The following RFX4 variants were observed in gnomAD, a reference collection of about 807,000 sequenced individuals.
RFX4 encodes the protein transcription factor RFX4.
Under a neutral mutation model 95.0 loss-of-function variants are expected in RFX4, and 10 were observed. The ratio of observed to expected loss-of-function variants is 0.11; its 90% CI spans 0.06 to 0.18. RFX4 has a LOEUF of 0.18. Among genes scored for constraint, RFX4 ranks in the 10% least tolerant of loss-of-function variants. The pLI is 1.00. For missense variants in RFX4, 640 were observed against 922.0 expected (o/e 0.69, Z 3.96); for synonymous variants, 321 against 340.7 (o/e 0.94, Z 0.64).
At chr12:106,596,993 T>C (rs917705766) in intron 1 of RFX4, among the ~76,000 whole-genome samples, 7 of 152,242 alleles carry the variant, frequency 4.6e-5, no homozygotes, top group Non-Finnish European at 1.0e-4. Flanking sequence ...ATTACAAACT[T>C]GTTTGTACCT....
chr12:106,724,240 T>G (rs2042449071), intron 13 of RFX4, among the ~76,000 whole-genome samples: 1 of 152,208 alleles, frequency 6.6e-6, no homozygotes, highest in Non-Finnish European at 1.5e-5. Flanking sequence ...AATTCTTGCA[T>G]TAACTCTGCA....
chr12:106,755,018 T>G (rs2043083615), intron 17 of RFX4, among the ~76,000 whole-genome samples: 1 of 152,242 alleles, frequency 6.6e-6, no homozygotes, highest in African/African-American at 2.4e-5. Context: ...CTTTGTTTTG[T>G]TTTTCATTAA....
chr12:106,681,947 T>C, intron 4 of RFX4, 46 bp from the exon 5 acceptor site: 6 of 1,603,064 alleles, frequency 3.7e-6, no homozygotes, highest in Middle Eastern at 1.7e-4. Flanking sequence ...GTCACTATGC[T>C]CCCAACTCTT....
intron 7 of RFX4, chr12:106,693,263 C>G (rs2137440316): frequency 4.6e-6 from 1 of 215,058 alleles, no homozygotes; most frequent in African/African-American, 2.3e-5. Context: ...GATGTTAAAA[C>G]TGGAGAATAC....
In RFX4 at chr12:106,665,006, T is replaced by C. The variant is rs182634990; in HGVS notation, c.315+10655T>C. On this transcript the variant is annotated intron_variant, in intron 4 of 17. Transcript: ENST00000392842. ...TGCTATTTTTGGATGAAGTTGTCTA[T>C]TAATGTCAATTATATTTAATTGATT... Among the ~76,000 whole-genome samples the C allele has an allele frequency of 5.9e-5, 9 of 152,042 alleles. No individual in the cohort carries two copies. The East Asian group carries it at 1.7e-3, about 29-fold the overall frequency.
At chr12:106,635,538 C>G (rs2040494432) in intron 2 of RFX4, among the ~76,000 whole-genome samples, 2 of 152,084 alleles carry the variant, frequency 1.3e-5, no homozygotes, top group Admixed American at 6.5e-5. Context: ...GTCTCAAACT[C>G]CTGGCCTCAA....
At position 106,669,839 on chromosome 12, in the gene RFX4, GGTGTGTGTGT is replaced by G. The variant is rs60975691; in HGVS notation, c.316-12123_316-12114del. On this transcript the variant is annotated intron_variant, in intron 4 of 17. Coordinates refer to ENST00000392842, the MANE Select transcript of RFX4 (RefSeq NM_213594.3). ...GATTTCACACCAGGTTTTTTCTAGG[GGTGTGTGTGT>G]GTGTGTGTGTGTGTGTGTGTGTGTG... Among the ~76,000 whole-genome samples, 706 of 143,254 alleles carry G rather than the reference GGTGTGTGTGT, an allele frequency of 4.9e-3. 20 individuals carry two copies. The highest frequency in any genetic ancestry group is 0.04 in the Admixed American group (579 of 14,418). The allele number at this position is 143,254 out of a possible 152,430, so 94.0% of individuals were successfully genotyped here. A position where few individuals can be genotyped will look rare whatever the true frequency, so the allele number is the denominator to read the frequency against.
chr12:106,704,128 A>G (rs1228755076), intron 8 of RFX4, among the ~76,000 whole-genome samples: 1 of 151,914 alleles, frequency 6.6e-6, no homozygotes, highest in Non-Finnish European at 1.5e-5. Context: ...CTGCAAATAA[A>G]TGAAATAGTC....
intron 1 of RFX4, among the ~76,000 whole-genome samples, chr12:106,594,610 A>G (rs1180076123): frequency 6.6e-6 from 1 of 152,098 alleles, no homozygotes; most frequent in Non-Finnish European, 1.5e-5. Flanking sequence ...TGGGAGTGGG[A>G]GCGCCGTCAG....
intron 4 of RFX4, among the ~76,000 whole-genome samples, chr12:106,657,489 A>C (rs745640751): frequency 1.8e-4 from 28 of 152,288 alleles, no homozygotes; most frequent in Non-Finnish European, 2.9e-4. Flanking sequence ...GCCAAGCCCC[A>C]AAAACACCGG....
intron 2 of RFX4, among the ~76,000 whole-genome samples, chr12:106,623,953 C>G (rs2040238889): frequency 6.6e-6 from 1 of 152,258 alleles, no homozygotes; most frequent in African/African-American, 2.4e-5. Flanking sequence ...TTATGTCTTT[C>G]TGCTGAGTCC....
chr12:106,659,791 G>A (rs1295819665), intron 4 of RFX4, among the ~76,000 whole-genome samples: 2 of 152,172 alleles, frequency 1.3e-5, no homozygotes, highest in Non-Finnish European at 2.9e-5. Context: ...AGGAAATATG[G>A]CCCCAGAGCT....
chr12:106,596,076 C>T (rs149181696), intron 1 of RFX4, among the ~76,000 whole-genome samples: 3 of 152,258 alleles, frequency 2.0e-5, no homozygotes, highest in African/African-American at 4.8e-5. Flanking sequence ...AGACCTTTTC[C>T]CCCAACCCCC....
intron 4 of RFX4, among the ~76,000 whole-genome samples, chr12:106,678,945 T>TA (rs2137390407): frequency 6.6e-6 from 1 of 152,360 alleles, no homozygotes; most frequent in Admixed American, 6.5e-5. Flanking sequence ...TTAGTAGACT[T>TA]ACATTTAGCT....
At chr12:106,687,157 C>G in intron 6 of RFX4, 60 bp downstream of exon 6, 2 of 1,290,286 alleles carry the variant, frequency 1.6e-6, no homozygotes, top group Non-Finnish European at 2.2e-6. Flanking sequence ...CTCTCTCTCT[C>G]TCTGTCTCTA....
chr12:106,714,089 A>AAAAAAAAAAAAAAAAAAC (rs2042242918), intron 10 of RFX4, among the ~76,000 whole-genome samples: 2 of 151,132 alleles, frequency 1.3e-5, no homozygotes, highest in African/African-American at 4.9e-5. Context: ...AAAAAAAAAA[A>AAAAAAAAAAAAAAAAAAC]AAGCATGTTC....
chr12:106,671,903 C>T (rs2041288916), intron 4 of RFX4, among the ~76,000 whole-genome samples: 2 of 152,094 alleles, frequency 1.3e-5, no homozygotes, highest in African/African-American at 4.8e-5. Context: ...CTCAGGCAAT[C>T]CGCCCACCTC....
At chr12:106,740,748 A>G (rs766294966) in intron 15 of RFX4, among the ~76,000 whole-genome samples, 1 of 152,214 alleles carries the variant, frequency 6.6e-6, no homozygotes, top group Admixed American at 6.5e-5. Flanking sequence ...TCAAAGTGCT[A>G]TGTGTGAAAA....
chr12:106,696,032 A>G (rs1003610864), intron 7 of RFX4, among the ~76,000 whole-genome samples: 2 of 152,246 alleles, frequency 1.3e-5, no homozygotes, highest in Non-Finnish European at 2.9e-5. Context: ...TTTGGGGCAG[A>G]GGAGACCCCA....
Sources: gnomAD v4.1 joint callset for allele counts (sites outside exome capture counted in the v4.1 genomes callset) on GRCh38, gnomAD v4.1.1 for gene constraint, MANE v1.5 for transcripts, NCBI Gene and HGNC (gene_info 2026-07-23, HGNC 2026-07-21) for gene names.